Variants in VAV3 observed in about 807,000 individuals in gnomAD.
VAV3 encodes guanine nucleotide exchange factor VAV3.
VAV3 carries 94 observed loss-of-function variants against 131.2 expected under a neutral mutation model. The observed-to-expected ratio is 0.72, with a 90% CI of 0.61 to 0.85. The LOEUF (loss-of-function observed/expected upper bound fraction) is 0.85. Ranked by LOEUF, VAV3 falls within the 40% of genes least tolerant of loss-of-function variation. The pLI is 0.00. For synonymous variants in VAV3, 349 were observed against 342.0 expected, an observed-to-expected ratio of 1.02 and a Z score of -0.22; for missense variants, 939 against 1,002.7, an observed-to-expected ratio of 0.94 and a Z score of 0.86.
At chr1:107,738,349 A>G (rs1662804661) in intron 15 of VAV3, among the ~76,000 whole-genome samples, 1 of 152,242 alleles carries the variant, frequency 6.6e-6, no homozygotes, top group African/African-American at 2.4e-5. Context: ...AACTTAAAGC[A>G]TATTAAAAAA....
At chr1:107,811,387 CATTTTATTTTAAA>C (rs1480917044) in intron 2 of VAV3, among the ~76,000 whole-genome samples, 1 of 152,052 alleles carries the variant, frequency 6.6e-6, no homozygotes, top group African/African-American at 2.4e-5. Flanking sequence ...AGCAGGCTGA[CATTTTATTTTAAA>C]ATAGGATGAC....
rs906577501 is a variant in VAV3, at chr1:107,841,193, T to C, written c.321+33708A>G. ...CTCAGAAAATACTAAGCATCTTCTA[T>C]GTGCAGTACTGTTCTAGGATATGGT... On this transcript the variant is annotated intron_variant, in intron 2 of 26. Transcript: ENST00000370056. Among the ~76,000 whole-genome samples, 4 of 152,300 alleles carry C rather than the reference T, an allele frequency of 2.6e-5. No individual in the cohort carries two copies. The East Asian group carries it at 5.8e-4, about 22-fold the overall frequency.
chr1:107,589,282 G>C (rs1650752368), intron 25 of VAV3, among the ~76,000 whole-genome samples: 1 of 152,226 alleles, frequency 6.6e-6, no homozygotes, highest in Admixed American at 6.5e-5. Context: ...ATGTAATTCA[G>C]TTAAGGATCT....
chr1:107,759,603 T>C (rs1664304615), intron 10 of VAV3, among the ~76,000 whole-genome samples: 1 of 152,100 alleles, frequency 6.6e-6, no homozygotes, highest in South Asian at 2.1e-4. Flanking sequence ...AATAAAACTT[T>C]CCCTATTTTA....
chr1:107,925,972 GT>G (rs748545127), intron 1 of VAV3, among the ~76,000 whole-genome samples: 1 of 151,564 alleles, frequency 6.6e-6, no homozygotes, highest in Non-Finnish European at 1.5e-5. Context: ...AAAAACTAAT[GT>G]AAAAAATTGT....
At chr1:107,877,071 C>T (rs1480240050) in intron 1 of VAV3, among the ~76,000 whole-genome samples, 1 of 152,082 alleles carries the variant, frequency 6.6e-6, no homozygotes, top group Non-Finnish European at 1.5e-5. Flanking sequence ...TTCTCAGAGG[C>T]TTAAATATTT....
At chr1:107,879,685 T>G (rs1670674058) in intron 1 of VAV3, among the ~76,000 whole-genome samples, 2 of 143,730 alleles carry the variant, frequency 1.4e-5, no homozygotes, top group South Asian at 4.5e-4. Flanking sequence ...TCCAGCTCAC[T>G]GTTTCATAAC....
At chr1:107,648,739 T>C (rs967692896) in intron 19 of VAV3, among the ~76,000 whole-genome samples, 2 of 152,072 alleles carry the variant, frequency 1.3e-5, no homozygotes, top group Non-Finnish European at 2.9e-5. Context: ...AGTCAACAGC[T>C]AATCAGAAGC....
intron 2 of VAV3, among the ~76,000 whole-genome samples, chr1:107,840,262 C>T (rs1668640530): frequency 6.6e-6 from 1 of 152,070 alleles, no homozygotes; most frequent in Admixed American, 6.6e-5. Context: ...GCTTTAAATT[C>T]AATACATAAA....
intron 15 of VAV3, among the ~76,000 whole-genome samples, chr1:107,743,410 T>C (rs1450657317): frequency 1.3e-5 from 2 of 152,156 alleles, no homozygotes; most frequent in Non-Finnish European, 2.9e-5. Context: ...TCAAGCGTAA[T>C]TCTTGGGACT....
intron 1 of VAV3, among the ~76,000 whole-genome samples, chr1:107,889,211 T>C (rs555970441): frequency 2.0e-5 from 3 of 150,622 alleles, no homozygotes; most frequent in Non-Finnish European, 4.4e-5. Flanking sequence ...CATATAACAA[T>C]GCCCAAAAAC....
chr1:107,953,025 T>C (rs1674631407), intron 1 of VAV3, among the ~76,000 whole-genome samples: 1 of 152,220 alleles, frequency 6.6e-6, no homozygotes, highest in Non-Finnish European at 1.5e-5. Flanking sequence ...CATTTTACAT[T>C]TCTAGGGCCT....
At chr1:107,810,399 T>C (rs979840049) in intron 2 of VAV3, among the ~76,000 whole-genome samples, 1 of 152,188 alleles carries the variant, frequency 6.6e-6, no homozygotes, top group African/African-American at 2.4e-5. Context: ...GAAAGTGAAG[T>C]TCTTGCCCAG....
At chr1:107,870,079 T>C (rs900406376) in intron 2 of VAV3, among the ~76,000 whole-genome samples, 4 of 152,198 alleles carry the variant, frequency 2.6e-5, no homozygotes, top group Admixed American at 6.5e-5. Flanking sequence ...CAATTGTGAA[T>C]TGTGCTGCTA....
intron 1 of VAV3, among the ~76,000 whole-genome samples, chr1:107,943,684 G>A (rs989468869): frequency 1.3e-5 from 2 of 152,362 alleles, no homozygotes; most frequent in South Asian, 2.1e-4. Flanking sequence ...AGAGGTTGCA[G>A]TGAGCCGAGA....
chr1:107,860,344 G>A (rs1669680208), intron 2 of VAV3, among the ~76,000 whole-genome samples: 1 of 151,812 alleles, frequency 6.6e-6, no homozygotes, highest in Non-Finnish European at 1.5e-5. Flanking sequence ...AGATATATGA[G>A]CGGTGATTGT....
At chr1:107,856,801 C>G (rs1336339053) in intron 2 of VAV3, among the ~76,000 whole-genome samples, 2 of 151,930 alleles carry the variant, frequency 1.3e-5, no homozygotes, top group African/African-American at 4.8e-5. Context: ...CTTTGGGAGG[C>G]GGAGGCTGGA....
chr1:107,725,686 G>T (rs567490301), intron 15 of VAV3, among the ~76,000 whole-genome samples: 1 of 152,118 alleles, frequency 6.6e-6, no homozygotes, highest in Admixed American at 6.5e-5. Context: ...GCTAAGTTTT[G>T]TATTTTTAGT....
intron 19 of VAV3, chr1:107,669,315 G>T: frequency 7.8e-7 from 1 of 1,289,526 alleles, no homozygotes; most frequent in Non-Finnish European, 1.0e-6. Context: ...CAGTATTGTT[G>T]CTGGACACCA....
Sources: gnomAD v4.1 joint callset for allele counts (sites outside exome capture counted in the v4.1 genomes callset) on GRCh38, gnomAD v4.1.1 for gene constraint, MANE v1.5 for transcripts, NCBI Gene and HGNC (gene_info 2026-07-23, HGNC 2026-07-21) for gene names.